ZFYVE9: variants seen among roughly 807,000 people sequenced by gnomAD.
ZFYVE9 encodes the protein zinc finger FYVE domain-containing protein 9.
A neutral mutation model predicts 126.7 loss-of-function variants in ZFYVE9; 43 were observed. The observed-to-expected ratio is 0.34, with a 90% CI of 0.27 to 0.44. ZFYVE9 has a LOEUF of 0.44. ZFYVE9 is among the 20% of genes least tolerant of loss of function. ZFYVE9 has a pLI of 1.00. For synonymous variants in ZFYVE9, 521 were observed against 597.4 expected (o/e 0.87, Z 1.87); for missense variants, 1,476 against 1,697.0 (o/e 0.87, Z 2.29).
intron 1 of ZFYVE9, among the ~76,000 whole-genome samples, chr1:52,169,073 T>G (rs1285507857): frequency 1.3e-5 from 2 of 152,136 alleles, no homozygotes; most frequent in Non-Finnish European, 2.9e-5. Context: ...TTGATGTGAC[T>G]CAGTGAGACT....
chr1:52,180,491 A>G (rs780449362), intron 1 of ZFYVE9: 1 of 876,276 alleles, frequency 1.1e-6, no homozygotes, highest in South Asian at 1.3e-5. Context: ...TTGAAGATGT[A>G]TTGCTGTCCT....
At chr1:52,158,622 T>C (rs1368918630) in intron 1 of ZFYVE9, among the ~76,000 whole-genome samples, 3 of 152,170 alleles carry the variant, frequency 2.0e-5, no homozygotes, top group Non-Finnish European at 4.4e-5. Flanking sequence ...CGTGAAGCAG[T>C]GGTCTGTAGC....
At chr1:52,275,824 T>C (rs1467594498) in intron 8 of ZFYVE9, among the ~76,000 whole-genome samples, 1 of 152,132 alleles carries the variant, frequency 6.6e-6, no homozygotes, top group African/African-American at 2.4e-5. Context: ...AACATAGATA[T>C]TATCTTATAT....
chr1:52,332,243 T>C (rs1646349336), intron 13 of ZFYVE9, among the ~76,000 whole-genome samples: 1 of 152,182 alleles, frequency 6.6e-6, no homozygotes, highest in Non-Finnish European at 1.5e-5. Context: ...TTAAATCTTT[T>C]GAGAAGAATA....
intron 1 of ZFYVE9, chr1:52,180,564 T>C: frequency 3.1e-6 from 2 of 642,956 alleles, no homozygotes; most frequent in South Asian, 3.7e-5. Flanking sequence ...AGGCTGCAGC[T>C]GCTATCACTT....
At chr1:52,256,370 T>C (rs535659403) in intron 4 of ZFYVE9, among the ~76,000 whole-genome samples, 1 of 151,826 alleles carries the variant, frequency 6.6e-6, no homozygotes, top group East Asian at 1.9e-4. Context: ...CCCGGCTCTT[T>C]TTTTTTTCTT....
intron 5 of ZFYVE9, among the ~76,000 whole-genome samples, chr1:52,265,298 C>T (rs1251590806): frequency 6.6e-6 from 1 of 152,064 alleles, no homozygotes; most frequent in African/African-American, 2.4e-5. Context: ...TCTTCCTCCC[C>T]TCTTTCTGCC....
chr1:52,153,401 C>T lies in ZFYVE9; in HGVS notation c.-143+10998C>T, dbSNP rs58415246. ...CTATGTAGTCTAAATTGCCCTTGCC[C>T]TCAGCTATCATTTCTGCTGGTGTTG... On this transcript the variant is annotated intron_variant, in intron 1 of 18. Coordinates refer to ENST00000287727, the MANE Select transcript of ZFYVE9 (RefSeq NM_004799.4). 9.4e-3 allele frequency among the ~76,000 whole-genome samples: 1,438 copies of T among 152,288 alleles called. 15 individuals are homozygous for T. The highest frequency in any genetic ancestry group is 0.032 in the African/African-American group (1,350 of 41,554).
At chr1:52,157,708 C>T (rs947793844) in intron 1 of ZFYVE9, among the ~76,000 whole-genome samples, 3 of 152,176 alleles carry the variant, frequency 2.0e-5, no homozygotes, top group Admixed American at 2.0e-4. Flanking sequence ...GCCCAGCCTG[C>T]ACCATATTCT....
chr1:52,254,830 G>A (rs1645488390), intron 4 of ZFYVE9, among the ~76,000 whole-genome samples: 1 of 152,130 alleles, frequency 6.6e-6, no homozygotes, highest in Non-Finnish European at 1.5e-5. Flanking sequence ...GCGGGATGTG[G>A]TGGTACATGC....
intron 12 of ZFYVE9, among the ~76,000 whole-genome samples, chr1:52,302,839 G>A (rs905617529): frequency 5.3e-5 from 8 of 151,848 alleles, no homozygotes; most frequent in Non-Finnish European, 1.0e-4. Context: ...GCCAGGTGCA[G>A]TGGCTCACGA....
intron 1 of ZFYVE9, among the ~76,000 whole-genome samples, chr1:52,154,716 C>T (rs1644385906): frequency 6.6e-6 from 1 of 152,134 alleles, no homozygotes; most frequent in African/African-American, 2.4e-5. Context: ...TATTCTCACC[C>T]CAGGCCACTT....
At chr1:52,178,116 A>G (rs373232593) in intron 1 of ZFYVE9, among the ~76,000 whole-genome samples, 62 of 151,502 alleles carry the variant, frequency 4.1e-4, no homozygotes, top group African/African-American at 1.4e-3. Context: ...CATCTCTACT[A>G]AAAATACAAA....
At chr1:52,278,904 G>A (rs990157621) in intron 9 of ZFYVE9, among the ~76,000 whole-genome samples, 2 of 150,846 alleles carry the variant, frequency 1.3e-5, no homozygotes, top group African/African-American at 4.9e-5. Flanking sequence ...CTAATTTTTC[G>A]TATTTGTTTT....
In ZFYVE9 at chr1:52,238,725, A is replaced by C; in HGVS notation, c.1308A>C (p.Gly436=). 1 of 1,614,154 alleles carries C rather than the reference A, an allele frequency of 6.2e-7. No individual in the cohort carries two copies. The highest frequency in any genetic ancestry group is 8.5e-7 in the Non-Finnish European group (1 of 1,179,986). The part of the protein sequence containing the change: ...SQPEDTNGDS[G]GQCVGLADAG... ...CTGAGGACACTAATGGTGATAGTGG[A>C]GGACAGTGTGTTGGATTGGCAGATG... Residue 436 remains glycine (G), a synonymous_variant, in exon 4 of 19, where the codon GGA becomes GGC. Transcript: ENST00000287727.
intron 15 of ZFYVE9, among the ~76,000 whole-genome samples, chr1:52,336,279 A>C (rs746475883): frequency 6.6e-6 from 1 of 152,052 alleles, no homozygotes; most frequent in African/African-American, 2.4e-5. Flanking sequence ...AGAGTGCACT[A>C]ATATTTTACA....
intron 1 of ZFYVE9, among the ~76,000 whole-genome samples, chr1:52,202,977 C>T (rs978945754): frequency 2.0e-5 from 3 of 152,004 alleles, no homozygotes; most frequent in Non-Finnish European, 2.9e-5. Flanking sequence ...TGAGCCACCG[C>T]GCACAGCCCA....
In ZFYVE9 at chr1:52,184,197, T is replaced by C. The variant is rs1401905653; in HGVS notation, c.-142-32172T>C. ...GGCATTTCTTTAATGACAAGTGTCA[T>C]TATATATATATATTTATATATATAG... is the stretch of plus-strand genomic sequence containing the variant. On this transcript the variant is annotated intron_variant, in intron 1 of 18. Coordinates refer to ENST00000287727, the MANE Select transcript of ZFYVE9 (RefSeq NM_004799.4). Among the ~76,000 whole-genome samples, 3 of 145,088 alleles carry C rather than the reference T, an allele frequency of 2.1e-5. No homozygotes were observed. In the East Asian group the frequency reaches 5.9e-4, roughly 29 times the overall value.
chr1:52,171,575 A>G (rs1237340004), intron 1 of ZFYVE9, among the ~76,000 whole-genome samples: 1 of 152,204 alleles, frequency 6.6e-6, no homozygotes, highest in Admixed American at 6.5e-5. Flanking sequence ...GAATTGCCAC[A>G]CTGACTTCCA....
Sources: allele counts gnomAD v4.1 joint callset (sites outside exome capture counted in the v4.1 genomes callset), GRCh38; gene constraint gnomAD v4.1.1; transcripts MANE v1.5; gene names NCBI Gene and HGNC (gene_info 2026-07-23, HGNC 2026-07-21).